Variants in CES5A observed in about 807,000 individuals in gnomAD.
CES5A encodes carboxylesterase 5.
A neutral mutation model predicts 62.9 loss-of-function variants in CES5A; 67 were observed. The observed-to-expected ratio is 1.07, with a 90% confidence interval of 0.88 to 1.31. The LOEUF is 1.31. CES5A is among the 50% of genes most tolerant of loss of function. CES5A has a pLI of 0.00. For synonymous variants in CES5A, 296 were observed against 280.8 expected, an observed-to-expected ratio of 1.05 and a Z score of -0.54; for missense variants, 748 against 708.5, an observed-to-expected ratio of 1.06 and a Z score of -0.63.
rs757008338 is a variant in CES5A at position 55,875,191 on chromosome 16, T to A, written c.31A>T (p.Ile11Phe). The A allele has an allele frequency of 7.4e-6, 12 of 1,613,872 alleles. No homozygotes were observed. The East Asian group carries it at 2.2e-4, about 30-fold the overall frequency. ...AGGACCCAGATAGCCCAAATTAGGA[T>A]CTGGCCTGGGTGCACCCAATTCCCA... MSGNWVHPGQILIWAIWVLAA... is the reference protein window; with the variant it reads MSGNWVHPGQFLIWAIWVLAA... The change falls in exon 1 of 13, where the codon ATC (isoleucine) becomes TTC (phenylalanine). Residue 11 changes from isoleucine (I) to phenylalanine (F), a missense_variant. Ile to Phe is a conservative substitution (Grantham distance 21). Transcript: ENST00000290567.
intron 1 of CES5A, among the ~76,000 whole-genome samples, chr16:55,903,639 T>TA (rs1217963965): frequency 6.6e-6 from 1 of 152,240 alleles, no homozygotes; most frequent in East Asian, 1.9e-4. Flanking sequence ...AGAGAAATAG[T>TA]AAAAATAAAA....
Position 55,846,512 on chromosome 16 carries a change from G to A in CES5A, c.1667C>T (p.Pro556Leu). Residue 556 changes from proline (P) to leucine (L), a missense_variant, in exon 13 of 13, where the codon CCT (proline) becomes CTT (leucine). Coordinates refer to ENST00000290567, the MANE Select transcript of CES5A (RefSeq NM_001143685.2). The stretch of plus-strand genomic sequence containing the variant: ...AGAGAGGAAAGTTAAGGAAGAAAGA[G>A]GACTGTGGAGCATGTCGGAGGCAGA... ...ILSASDMLHS[P>L]LSSLTFLSLL... The A allele has an allele frequency of 6.2e-7, 1 of 1,614,148 alleles. No homozygotes were observed. Among genetic ancestry groups the A allele is most frequent in the Non-Finnish European group, 8.5e-7 (1 of 1,180,012 alleles).
intron 2 of CES5A, among the ~76,000 whole-genome samples, chr16:55,949,091 C>T (rs1372307253): frequency 1.3e-5 from 2 of 152,202 alleles, no homozygotes; most frequent in Non-Finnish European, 2.9e-5. Context: ...GTGCTTTGCT[C>T]TGATACACGT....
At chr16:55,866,690 T>TAAAAAAAAAAAAAAAAAAAA (rs2033471888) in intron 4 of CES5A, among the ~76,000 whole-genome samples, 3 of 114,068 alleles carry the variant, frequency 2.6e-5, no homozygotes, top group Non-Finnish European at 4.2e-5. Flanking sequence ...ACAAAAAAAT[T>TAAAAAAAAAAAAAAAAAAAA]AGCTGGACAC....
chr16:55,865,946 CA>C lies in CES5A; in HGVS notation c.705+16del. 1 of 1,614,120 alleles carries C rather than the reference CA, an allele frequency of 6.2e-7. No individual in the cohort carries two copies. The highest frequency in any genetic ancestry group is 1.1e-5 in the South Asian group (1 of 91,060). On this transcript the variant is annotated intron_variant, in intron 5 of 12. Coordinates refer to ENST00000290567, the MANE Select transcript of CES5A (RefSeq NM_001143685.2). ...CCGGCACTGAGATTCATTCAAACCACAAAGCAGAGAACTCACAAGACTAGAA... is the reference window on the plus strand; with the variant it reads ...CCGGCACTGAGATTCATTCAAACCACAAGCAGAGAACTCACAAGACTAGAA...
At chr16:55,874,310 C>G (rs866550544) in intron 1 of CES5A, among the ~76,000 whole-genome samples, 1 of 152,196 alleles carries the variant, frequency 6.6e-6, no homozygotes, top group South Asian at 2.1e-4. Flanking sequence ...AAACCCATCT[C>G]CCTTCTGCTG....
upstream of CES5A, among the ~76,000 whole-genome samples, chr16:55,926,085 T>C (rs2034255218): frequency 6.6e-6 from 1 of 152,158 alleles, no homozygotes. Context: ...GTTTATAACA[T>C]TCTATCATAC....
chr16:55,853,597 TG>T (rs2033174809), intron 9 of CES5A, among the ~76,000 whole-genome samples: 1 of 152,154 alleles, frequency 6.6e-6, no homozygotes, highest in South Asian at 2.1e-4. Flanking sequence ...TTTCCTCCTC[TG>T]TAGGGATGTG....
upstream of CES5A, among the ~76,000 whole-genome samples, chr16:55,926,369 A>T (rs1320324656): frequency 6.6e-6 from 1 of 152,220 alleles, no homozygotes; most frequent in Admixed American, 6.5e-5. Context: ...AAAGATAACA[A>T]GAATATAAAT....
At chr16:55,868,521 C>T (rs1416587409) in intron 4 of CES5A, among the ~76,000 whole-genome samples, 1 of 152,234 alleles carries the variant, frequency 6.6e-6, no homozygotes, top group Non-Finnish European at 1.5e-5. Context: ...TCCCTTGCAA[C>T]TCCCTCCTCT....
intron 2 of CES5A, among the ~76,000 whole-genome samples, chr16:55,872,016 CCACCACCCTCCCATGCCTA>C (rs2033600177): frequency 6.6e-6 from 1 of 152,116 alleles, no homozygotes; most frequent in Non-Finnish European, 1.5e-5. Context: ...ACCATTACCC[CCACCACCCTCCCATGCCTA>C]CACCACCCTC....
At chr16:55,933,264 G>T (rs547641770) in intron 2 of CES5A, among the ~76,000 whole-genome samples, 1 of 152,312 alleles carries the variant, frequency 6.6e-6, no homozygotes, top group South Asian at 2.1e-4. Context: ...AACTGCAAAG[G>T]AGAATGGGAA....
intron 2 of CES5A, chr16:55,943,919 C>T: frequency 1.5e-6 from 1 of 653,446 alleles, no homozygotes; most frequent in Non-Finnish European, 2.8e-6. Flanking sequence ...GTAAGAGGGT[C>T]TAGAGCTGAA....
At chr16:55,911,803 C>T (rs2034095963) in intron 1 of CES5A, among the ~76,000 whole-genome samples, 1 of 152,162 alleles carries the variant, frequency 6.6e-6, no homozygotes, top group Non-Finnish European at 1.5e-5. Context: ...AATCCAGGGT[C>T]CTGGCCACTG....
chr16:55,898,881 T>C (rs546504351), intron 1 of CES5A, among the ~76,000 whole-genome samples: 19 of 152,070 alleles, frequency 1.2e-4, no homozygotes, highest in Non-Finnish European at 2.6e-4. Context: ...TGTCTGGCAC[T>C]GGGTTGGCAG....
chr16:55,921,649 A>G (rs1206244642), intron 1 of CES5A, among the ~76,000 whole-genome samples: 1 of 151,536 alleles, frequency 6.6e-6, no homozygotes, highest in Non-Finnish European at 1.5e-5. Flanking sequence ...AAAAAAAAAA[A>G]AAAACCATTG....
At chr16:55,922,613 C>T (rs1592475) in intron 1 of CES5A, among the ~76,000 whole-genome samples, 2,293 of 151,934 alleles carry the variant, frequency 0.015, 73 homozygotes, top group African/African-American at 0.052. Flanking sequence ...TTTTAACACC[C>T]CACTCTTGGT....
upstream of CES5A, among the ~76,000 whole-genome samples, chr16:55,879,757 A>T (rs1739324092): frequency 6.6e-6 from 1 of 151,886 alleles, no homozygotes; most frequent in African/African-American, 2.4e-5. Context: ...CACCTGGCTA[A>T]TTTTTTTTAA....
chr16:55,948,569 C>T (rs1437046466), intron 2 of CES5A, among the ~76,000 whole-genome samples: 2 of 152,040 alleles, frequency 1.3e-5, no homozygotes, highest in Admixed American at 6.6e-5. Flanking sequence ...AATTTGTGGC[C>T]TTCTATCTTG....
Sources: allele counts gnomAD v4.1 joint callset (sites outside exome capture counted in the v4.1 genomes callset), GRCh38; gene constraint gnomAD v4.1.1; transcripts MANE v1.5; gene names NCBI Gene and HGNC (gene_info 2026-07-23, HGNC 2026-07-21).